PLCXD3: variants seen among roughly 807,000 people sequenced by gnomAD.
PLCXD3 encodes phosphatidylinositol specific phospholipase C X domain containing 3.
Under a neutral mutation model 25.5 loss-of-function variants are expected in PLCXD3, and 19 were observed. The observed-to-expected ratio is 0.75, with a 90% CI of 0.52 to 1.09. The LOEUF (loss-of-function observed/expected upper bound fraction) is 1.09. Among genes scored for constraint, PLCXD3 ranks in the 50% least tolerant of loss-of-function variants. The pLI is 0.00. For synonymous variants in PLCXD3, 174 were observed against 137.6 expected (o/e 1.26, Z -1.85); for missense variants, 411 against 388.1 (o/e 1.06, Z -0.50).
intron 1 of PLCXD3, among the ~76,000 whole-genome samples, chr5:41,429,909 T>G (rs1217869333): frequency 6.6e-6 from 1 of 152,158 alleles, no homozygotes; most frequent in Non-Finnish European, 1.5e-5. Context: ...TATTATATTT[T>G]TAGAAAAATA....
intron 1 of PLCXD3, among the ~76,000 whole-genome samples, chr5:41,468,725 C>T (rs1438075343): frequency 1.3e-5 from 2 of 152,010 alleles, no homozygotes; most frequent in African/African-American, 4.8e-5. Flanking sequence ...ATTCTATGTC[C>T]TGTAACTTTA....
intron 2 of PLCXD3, among the ~76,000 whole-genome samples, chr5:41,319,163 T>G (rs531913733): frequency 3.3e-5 from 5 of 152,238 alleles, no homozygotes; most frequent in African/African-American, 1.2e-4. Flanking sequence ...AAAACAATAA[T>G]AGCCAGAGAC....
intron 1 of PLCXD3, among the ~76,000 whole-genome samples, chr5:41,495,531 T>C (rs1422383096): frequency 1.3e-5 from 2 of 152,218 alleles, no homozygotes; most frequent in Non-Finnish European, 2.9e-5. Flanking sequence ...TGGCATATTC[T>C]AGATGCCTGG....
chr5:41,382,496 A>T lies in PLCXD3; in HGVS notation c.142T>A (p.Ser48Thr). 6.2e-7 allele frequency: 1 copy of T among 1,606,520 alleles called. No individual in the cohort carries two copies. Among genetic ancestry groups the T allele is most frequent in the Middle Eastern group, 1.7e-4 (1 of 6,042 alleles). ...DSFSFYIDEA[S>T]PVGPEQPETV... ...TCTGGCTGCTCAGGACCTACTGGAG[A>T]GGCTTCATCAATGTAGAAGCTGAAG... The change falls in exon 2 of 3, where the codon TCT becomes ACT. Residue 48 changes from serine to threonine, a missense_variant. Coordinates refer to ENST00000377801, the MANE Select transcript of PLCXD3 (RefSeq NM_001005473.3).
chr5:41,421,559 G>A (rs1746824123), intron 1 of PLCXD3, among the ~76,000 whole-genome samples: 1 of 152,146 alleles, frequency 6.6e-6, no homozygotes, highest in African/African-American at 2.4e-5. Flanking sequence ...AAATTAACCG[G>A]GCGCGGTGGC....
chr5:41,325,918 G>T (rs927758262), intron 2 of PLCXD3, among the ~76,000 whole-genome samples: 3 of 152,120 alleles, frequency 2.0e-5, no homozygotes, highest in Non-Finnish European at 4.4e-5. Context: ...TTCATAAATG[G>T]AGTTTTCTCA....
chr5:41,494,899 C>G (rs376735741), intron 1 of PLCXD3, among the ~76,000 whole-genome samples: 2 of 152,062 alleles, frequency 1.3e-5, no homozygotes, highest in Non-Finnish European at 2.9e-5. Context: ...GATAACCTTA[C>G]GGAAGCATGT....
chr5:41,372,254 T>C (rs988542797), intron 2 of PLCXD3, among the ~76,000 whole-genome samples: 12 of 151,364 alleles, frequency 7.9e-5, no homozygotes, highest in African/African-American at 2.9e-4. Flanking sequence ...TGCCACAGTT[T>C]TTCAGAAAAG....
At chr5:41,492,284 G>A (rs1748717868) in intron 1 of PLCXD3, among the ~76,000 whole-genome samples, 1 of 152,226 alleles carries the variant, frequency 6.6e-6, no homozygotes, top group South Asian at 2.1e-4. Context: ...CTGGCTTGTA[G>A]AGTTTCTGCC....
intron 2 of PLCXD3, among the ~76,000 whole-genome samples, chr5:41,381,460 C>A (rs1358030601): frequency 1.3e-5 from 2 of 151,976 alleles, no homozygotes; most frequent in East Asian, 3.9e-4. Flanking sequence ...CAAAGGAAAA[C>A]ACAGAGACAC....
chr5:41,390,491 T>A (rs376180545), intron 1 of PLCXD3, among the ~76,000 whole-genome samples: 31 of 152,296 alleles, frequency 2.0e-4, no homozygotes, highest in African/African-American at 7.5e-4. Flanking sequence ...AGAGTTCCAG[T>A]TACTCCACAT....
chr5:41,382,430 TG>T lies in PLCXD3; in HGVS notation c.207del (p.Lys71SerfsTer7). 6.2e-7 allele frequency: 1 copy of T among 1,613,472 alleles called. No homozygotes were observed. The highest frequency in any genetic ancestry group is 8.5e-7 in the Non-Finnish European group (1 of 1,179,698). On this transcript the variant is annotated frameshift_variant, in exon 2 of 3. Coordinates refer to ENST00000377801, the MANE Select transcript of PLCXD3 (RefSeq NM_001005473.3). LOFTEE classifies it high-confidence loss of function. Reference sequence around the variant, plus strand: ...GCTAACCATTTCCGCATGAGCTTTTTGGCCACAGTTCCAAACACAGAGACAA... The same window carrying T: ...GCTAACCATTTCCGCATGAGCTTTTTGCCACAGTTCCAAACACAGAGACAA... ...QNFVSVFGTV[A>X]KKLMRKWLAT...
At chr5:41,472,870 A>G (rs990792310) in intron 1 of PLCXD3, among the ~76,000 whole-genome samples, 1 of 152,208 alleles carries the variant, frequency 6.6e-6, no homozygotes, top group African/African-American at 2.4e-5. Context: ...TGTAAAAAAG[A>G]TAACTGTTTT....
rs543169927 is a variant in PLCXD3, at chr5:41,462,234, G to A, written c.103+48190C>T. The stretch of plus-strand genomic sequence containing the variant: ...GGGTCATTTTATCACAAGCAATTCA[G>A]CCTAAAAACATAGCTAACATTTTAC... On this transcript the variant is annotated intron_variant, in intron 1 of 2. Coordinates refer to ENST00000377801, the MANE Select transcript of PLCXD3 (RefSeq NM_001005473.3). Among the ~76,000 whole-genome samples, 246 of 152,094 alleles carry A rather than the reference G, an allele frequency of 1.6e-3. 1 individual carries two copies. Among genetic ancestry groups the A allele is most frequent in the South Asian group, 9.3e-3 (45 of 4,818 alleles).
intron 2 of PLCXD3, among the ~76,000 whole-genome samples, chr5:41,358,894 T>C (rs1162372994): frequency 6.6e-6 from 1 of 152,238 alleles, no homozygotes; most frequent in Non-Finnish European, 1.5e-5. Flanking sequence ...ATATCCCTTG[T>C]ATGCCATTTT....
chr5:41,500,978 G>C (rs1175654391), intron 1 of PLCXD3, among the ~76,000 whole-genome samples: 1 of 151,892 alleles, frequency 6.6e-6, no homozygotes. Context: ...CTAATCACCA[G>C]GGAAATGAAA....
chr5:41,381,180 T>C (rs1243355828), intron 2 of PLCXD3, among the ~76,000 whole-genome samples: 3 of 152,106 alleles, frequency 2.0e-5, no homozygotes, highest in African/African-American at 7.2e-5. Flanking sequence ...TTAGGGATAT[T>C]AAAAGACTCT....
chr5:41,349,388 G>T (rs1210202354), intron 2 of PLCXD3, among the ~76,000 whole-genome samples: 1 of 152,184 alleles, frequency 6.6e-6, no homozygotes, highest in Non-Finnish European at 1.5e-5. Flanking sequence ...ACTTTCAGAA[G>T]AATAACTTCT....
At chr5:41,422,964 G>A (rs1746863929) in intron 1 of PLCXD3, among the ~76,000 whole-genome samples, 1 of 151,850 alleles carries the variant, frequency 6.6e-6, no homozygotes, top group Admixed American at 6.6e-5. Context: ...ATCAGCTTAA[G>A]GAATCTCTCT....
Sources: gnomAD v4.1 joint callset for allele counts (sites outside exome capture counted in the v4.1 genomes callset) on GRCh38, gnomAD v4.1.1 for gene constraint, MANE v1.5 for transcripts, NCBI Gene and HGNC (gene_info 2026-07-23, HGNC 2026-07-21) for gene names.